Variants in SLC67A1 observed in about 807,000 individuals in gnomAD.
SLC67A1 encodes the protein solute carrier family 67 member 1.
chr11:2,910,564 C>T, the SLC67A1 span, among the ~76,000 whole-genome samples: 3 of 152,058 alleles, frequency 2.0e-5, no homozygotes, highest in South Asian at 4.2e-4. Flanking sequence ...AGGCACCAGG[C>T]CGGGGTGCCC....
the SLC67A1 span, chr11:2,917,896 C>T: frequency 1.0e-6 from 1 of 970,468 alleles, no homozygotes; most frequent in East Asian, 2.6e-5. Context: ...GCGGGCGCAA[C>T]AGGGCCCTCC....
chr11:2,922,942 C>T, the SLC67A1 span, among the ~76,000 whole-genome samples: 11 of 152,202 alleles, frequency 7.2e-5, no homozygotes, highest in Non-Finnish European at 1.5e-4. Context: ...TGCTCAGGAG[C>T]TTCCTGAATG....
chr11:2,915,857 T>G, the SLC67A1 span, among the ~76,000 whole-genome samples: 2,525 of 152,300 alleles, frequency 0.017, 70 homozygotes, highest in African/African-American at 0.058. Flanking sequence ...ACAGCCAGCT[T>G]CAGGTGCCTC....
the SLC67A1 span, chr11:2,903,381 G>A: frequency 6.8e-6 from 11 of 1,613,068 alleles, no homozygotes; most frequent in African/African-American, 1.5e-4. Flanking sequence ...ACCAGGGCCG[G>A]TCCCCCGGCA....
chr11:2,900,969 A>T, the SLC67A1 span, among the ~76,000 whole-genome samples: 1 of 152,162 alleles, frequency 6.6e-6, no homozygotes, highest in East Asian at 1.9e-4. Flanking sequence ...ATTTATGGCC[A>T]GCTTCTAAAC....
chr11:2,914,077 C>G, the SLC67A1 span, among the ~76,000 whole-genome samples: 1 of 152,342 alleles, frequency 6.6e-6, no homozygotes, highest in Admixed American at 6.5e-5. Flanking sequence ...AATGAGGTCA[C>G]CTAGCAGGTA....
the SLC67A1 span, chr11:2,919,069 C>T: frequency 1.8e-6 from 1 of 543,756 alleles, no homozygotes; most frequent in African/African-American, 1.9e-5. Context: ...CTTCCAGCAC[C>T]TTCCTGCTCA....
At chr11:2,913,299 C>T in the SLC67A1 span, among the ~76,000 whole-genome samples, 4 of 152,140 alleles carry the variant, frequency 2.6e-5, no homozygotes, top group African/African-American at 2.4e-5. Flanking sequence ...CAGCAGGCCC[C>T]GCTGAGATGG....
At chr11:2,922,078 T>G in the SLC67A1 span, 1 of 1,588,478 alleles carries the variant, frequency 6.3e-7, no homozygotes, top group African/African-American at 1.3e-5. Context: ...CATACCCACT[T>G]CTACCCTCTC....
chr11:2,913,758 C>G, the SLC67A1 span, among the ~76,000 whole-genome samples: 2 of 152,226 alleles, frequency 1.3e-5, no homozygotes, highest in African/African-American at 4.8e-5. Flanking sequence ...TGGGTTCGCT[C>G]CTGGCAGCAG....
the SLC67A1 span, chr11:2,924,866 T>G: frequency 7.6e-6 from 5 of 654,750 alleles, no homozygotes; most frequent in South Asian, 2.1e-5. The surrounding 1 kb of genome is among the most constrained non-coding windows in gnomAD (Gnocchi z 8.6). Flanking sequence ...TTCAGGGGAG[T>G]ATTTCACCAG....
the SLC67A1 span, chr11:2,922,362 G>A: frequency 6.4e-7 from 1 of 1,574,692 alleles, no homozygotes. Context: ...GGTGGGGAGG[G>A]ACAGGTAAGA....
the SLC67A1 span, chr11:2,916,997 T>C: frequency 7.1e-4 from 378 of 534,078 alleles, 3 homozygotes; most frequent in Admixed American, 1.7e-3. Context: ...AGGGAAGGCG[T>C]TAGGAGGGGA....
chr11:2,899,826 A>C, the SLC67A1 span: 7 of 1,064,560 alleles, frequency 6.6e-6, no homozygotes, highest in African/African-American at 1.6e-5. Context: ...CAGCATCTCC[A>C]CCACACCTCA....
chr11:2,917,643 A>G, the SLC67A1 span, among the ~76,000 whole-genome samples: 1 of 152,318 alleles, frequency 6.6e-6, no homozygotes, highest in South Asian at 2.1e-4. Flanking sequence ...ACCATATAGG[A>G]AGCAGCTATT....
the SLC67A1 span, chr11:2,899,805 T>A: frequency 7.7e-7 from 1 of 1,295,166 alleles, no homozygotes; most frequent in Non-Finnish European, 1.0e-6. Context: ...AGGAAGACAG[T>A]GGTAAGTTTC....
the SLC67A1 span, chr11:2,925,117 G>A: frequency 9.3e-5 from 150 of 1,613,786 alleles, no homozygotes; most frequent in Middle Eastern, 3.3e-4. The surrounding 1 kb of genome is among the most constrained non-coding windows in gnomAD (Gnocchi z 6.5). Flanking sequence ...CTTCGGCCAC[G>A]TGCAGGTTGC....
chr11:2,908,428 C>G, the SLC67A1 span: 12 of 883,894 alleles, frequency 1.4e-5, no homozygotes, highest in African/African-American at 1.7e-4. Flanking sequence ...GACCCCACAC[C>G]GGACCCCCCT....
At chr11:2,907,360 G>T in the SLC67A1 span, among the ~76,000 whole-genome samples, 1 of 152,208 alleles carries the variant, frequency 6.6e-6, no homozygotes, top group Non-Finnish European at 1.5e-5. The surrounding 1 kb of genome is among the most constrained non-coding windows in gnomAD (Gnocchi z 6.7). Flanking sequence ...ACCCACGGGG[G>T]AGGATCCTTC....
Sources: allele counts gnomAD v4.1 joint callset (sites outside exome capture counted in the v4.1 genomes callset), GRCh38; gene constraint gnomAD v4.1.1; non-coding constraint Gnocchi (gnomAD v3.1); transcripts MANE v1.5; gene names NCBI Gene and HGNC (gene_info 2026-07-23, HGNC 2026-07-21).